Variants in GRIK2 observed in about 807,000 individuals in gnomAD.
The protein encoded by GRIK2 is glutamate ionotropic receptor kainate type subunit 2, also known as glutamate receptor ionotropic, kainate 2.
In GRIK2, 32 loss-of-function variants were observed where a neutral mutation model predicts 100.3. That is an observed-to-expected ratio of 0.32 (90% confidence interval 0.24 to 0.43). The LOEUF is 0.43. GRIK2 is among the 20% of genes least tolerant of loss of function. The pLI is 1.00. For synonymous variants in GRIK2, 417 were observed against 389.4 expected, an observed-to-expected ratio of 1.07 and a Z score of -0.83; for missense variants, 843 against 1,114.9, an observed-to-expected ratio of 0.76 and a Z score of 3.47.
At chr6:101,487,376 G>T (rs9373613) in intron 2 of GRIK2, among the ~76,000 whole-genome samples, 23,159 of 145,444 alleles carry the variant, frequency 0.16, 5,548 homozygotes, top group African/African-American at 0.4. Flanking sequence ...CACCTCCTGA[G>T]CCTCAGTACT....
intron 7 of GRIK2, among the ~76,000 whole-genome samples, chr6:101,739,230 C>G (rs9404136): frequency 0.28 from 42,936 of 152,046 alleles, 7,602 homozygotes; most frequent in African/African-American, 0.48. Context: ...TGATTTTACT[C>G]TCTTGTTTCT....
intron 7 of GRIK2, among the ~76,000 whole-genome samples, chr6:101,775,036 A>G (rs1430586039): frequency 6.6e-6 from 1 of 152,168 alleles, no homozygotes; most frequent in Non-Finnish European, 1.5e-5. Flanking sequence ...TACTGTTTAT[A>G]AAATTATCTT....
chr6:101,974,815 T>G (rs1466436085), intron 14 of GRIK2, among the ~76,000 whole-genome samples: 2 of 151,950 alleles, frequency 1.3e-5, no homozygotes, highest in East Asian at 3.9e-4. Context: ...TACATAAAAC[T>G]AACTATCACA....
At chr6:102,000,950 T>C (rs1350890899) in intron 14 of GRIK2, among the ~76,000 whole-genome samples, 1 of 152,092 alleles carries the variant, frequency 6.6e-6, no homozygotes, top group African/African-American at 2.4e-5. Context: ...GTTTTTCTTT[T>C]TCTAATTCTT....
At chr6:102,052,806 C>T (rs2114496229) in intron 15 of GRIK2, among the ~76,000 whole-genome samples, 1 of 152,244 alleles carries the variant, frequency 6.6e-6, no homozygotes, top group South Asian at 2.1e-4. Flanking sequence ...AAATTACAGT[C>T]TGGGCACCTT....
chr6:101,533,982 AT>A, intron 2 of GRIK2, among the ~76,000 whole-genome samples: 1 of 151,846 alleles, frequency 6.6e-6, no homozygotes, highest in African/African-American at 2.4e-5. Context: ...TCATACCTTC[AT>A]GCCTCATTGA....
chr6:101,518,177 C>T (rs1240819611), intron 2 of GRIK2, among the ~76,000 whole-genome samples: 2 of 151,804 alleles, frequency 1.3e-5, no homozygotes, highest in Admixed American at 6.6e-5. Flanking sequence ...AATATGTTGG[C>T]AATAAAGTTA....
At chr6:101,748,235 A>G (rs962069647) in intron 7 of GRIK2, among the ~76,000 whole-genome samples, 1 of 152,180 alleles carries the variant, frequency 6.6e-6, no homozygotes, top group Non-Finnish European at 1.5e-5. Context: ...GAAATGAAGT[A>G]GACTAAGATG....
chr6:101,821,667 C>A (rs1471122165), intron 10 of GRIK2, among the ~76,000 whole-genome samples: 1 of 151,792 alleles, frequency 6.6e-6, no homozygotes, highest in African/African-American at 2.4e-5. Flanking sequence ...AAAAAAATTC[C>A]TTTTTCTGAA....
intron 16 of GRIK2, chr6:102,064,176 C>A: frequency 3.9e-6 from 2 of 507,514 alleles, no homozygotes; most frequent in Non-Finnish European, 3.5e-6. Flanking sequence ...GGGTTTCCAC[C>A]CCTAAATAGT....
chr6:101,805,285 G>T (rs544067337), intron 9 of GRIK2, among the ~76,000 whole-genome samples: 1 of 148,946 alleles, frequency 6.7e-6, no homozygotes, highest in Admixed American at 6.7e-5. Context: ...TCCTGCCACC[G>T]AACTTCTCTG....
intron 2 of GRIK2, among the ~76,000 whole-genome samples, chr6:101,498,282 G>C (rs1446849795): frequency 6.6e-6 from 1 of 151,652 alleles, no homozygotes; most frequent in African/African-American, 2.4e-5. Flanking sequence ...GGACATTTGG[G>C]TTGGTTCCAA....
At chr6:101,876,364 A>G (rs1456678546) in intron 11 of GRIK2, among the ~76,000 whole-genome samples, 1 of 151,878 alleles carries the variant, frequency 6.6e-6, no homozygotes, top group African/African-American at 2.4e-5. Flanking sequence ...TTTTTTATAA[A>G]TAATAATTGT....
chr6:101,454,023 AAAG>A (rs1227247347), intron 2 of GRIK2, among the ~76,000 whole-genome samples: 1 of 152,088 alleles, frequency 6.6e-6, no homozygotes, highest in Non-Finnish European at 1.5e-5. Context: ...CAAAGGAAGT[AAAG>A]AAGGAGAAGC....
intron 4 of GRIK2, among the ~76,000 whole-genome samples, chr6:101,631,051 G>T (rs1780721008): frequency 6.6e-6 from 1 of 152,084 alleles, no homozygotes; most frequent in South Asian, 2.1e-4. Context: ...TTCTTAAAAT[G>T]ATGTTAACAG....
At position 101,682,606 on chromosome 6, in the gene GRIK2, G is replaced by T; in HGVS notation, c.777G>T (p.Leu259=). 1 of 1,221,218 alleles carries T rather than the reference G, an allele frequency of 8.2e-7. No homozygotes were observed. The highest frequency in any genetic ancestry group is 1.3e-5 in the South Asian group (1 of 76,782). 75.6% of individuals were successfully genotyped at this position (1,221,218 alleles called of 1,614,324 possible). Reference sequence around the variant, plus strand: ...ACTATCATTATATCTTTACCACTCTGGTAAGTACTTCATTAAAACAAAATG... The same window carrying T: ...ACTATCATTATATCTTTACCACTCTTGTAAGTACTTCATTAAAACAAAATG... ...TEYYHYIFTT[L]DLFALDVEPY... Residue 259 remains leucine (L), a splice_region_variant and synonymous_variant, in exon 6 of 17, where the codon CTG becomes CTT. Transcript: ENST00000369134.
chr6:101,826,860 C>T (rs1211935775), intron 10 of GRIK2, among the ~76,000 whole-genome samples: 1 of 151,996 alleles, frequency 6.6e-6, no homozygotes, highest in African/African-American at 2.4e-5. Context: ...AGATATATTA[C>T]TCTGACATCA....
chr6:101,452,763 A>C (rs2255005), intron 2 of GRIK2, among the ~76,000 whole-genome samples: 57,316 of 151,272 alleles, frequency 0.38, 11,014 homozygotes, highest in Admixed American at 0.44. Flanking sequence ...TTTAAAAAAA[A>C]CCCAACAACG....
chr6:102,041,743 C>G (rs908830012), intron 15 of GRIK2, among the ~76,000 whole-genome samples: 2 of 150,864 alleles, frequency 1.3e-5, no homozygotes, highest in African/African-American at 4.9e-5. Context: ...GAATAGGTAG[C>G]ATAAAGAATT....
Sources: allele counts gnomAD v4.1 joint callset (sites outside exome capture counted in the v4.1 genomes callset), GRCh38; gene constraint gnomAD v4.1.1; transcripts MANE v1.5; gene names NCBI Gene and HGNC (gene_info 2026-07-23, HGNC 2026-07-21).